The following TGM3 variants were observed in gnomAD, a reference collection of about 807,000 sequenced individuals.
TGM3 encodes protein-glutamine gamma-glutamyltransferase E.
In TGM3, 52 loss-of-function variants were observed where a neutral mutation model predicts 73.8. The observed-to-expected ratio is 0.70, with a 90% CI of 0.56 to 0.89. The LOEUF is 0.89. Among genes scored for constraint, TGM3 ranks in the 40% least tolerant of loss-of-function variants. The probability of loss-of-function intolerance (pLI) is 0.00; values close to 1 mark genes in which losing one functional copy is unlikely to be tolerated. For missense variants in TGM3, 928 were observed against 909.9 expected, an observed-to-expected ratio of 1.02 and a Z score of -0.26; for synonymous variants, 372 against 354.9, an observed-to-expected ratio of 1.05 and a Z score of -0.54.
chr20:2,323,540 C>T (rs908877319), intron 7 of TGM3, among the ~76,000 whole-genome samples: 8 of 152,354 alleles, frequency 5.3e-5, no homozygotes, highest in South Asian at 2.1e-4. Flanking sequence ...TGTGCACTTA[C>T]GTGAGTTTTT....
chr20:2,338,125 G>A (rs1189682372), intron 11 of TGM3, among the ~76,000 whole-genome samples: 2 of 152,072 alleles, frequency 1.3e-5, no homozygotes, highest in East Asian at 1.9e-4. Context: ...TAATAATTTG[G>A]GTAAAACCCC....
chr20:2,319,371 G>A (rs214818), intron 7 of TGM3, among the ~76,000 whole-genome samples: 109,880 of 152,000 alleles, frequency 0.72, 41,334 homozygotes, highest in East Asian at 0.96. Context: ...GGGGTGGGGA[G>A]GCCACTAGTA....
chr20:2,313,393 A>G (rs2084217161), intron 5 of TGM3, among the ~76,000 whole-genome samples: 1 of 152,206 alleles, frequency 6.6e-6, no homozygotes, highest in Admixed American at 6.5e-5. Context: ...CTCCTGGGAA[A>G]GGAAGCGAGA....
chr20:2,313,872 TA>T (rs952124309), intron 5 of TGM3, among the ~76,000 whole-genome samples: 16 of 150,246 alleles, frequency 1.1e-4, no homozygotes, highest in Admixed American at 5.3e-4. Flanking sequence ...CTACAGAAAT[TA>T]AAAAAAAACT....
Position 2,340,500 on chromosome 20 carries a change from C to T in TGM3, c.2001C>T (p.Gly667=), listed in dbSNP as rs967385402. ...TTGATATCCTGCCCTCCCGGAGTGG[C>T]ACCAAGCAACTGCTCGCCGACTTCT... is the stretch of plus-strand genomic sequence containing the variant. ...VRFDILPSRS[G]TKQLLADFSC... The change falls in exon 13 of 13, where the codon GGC becomes GGT. Residue 667 remains glycine, a synonymous_variant. Transcript: ENST00000381458. The T allele has an allele frequency of 8.1e-6, 13 of 1,614,190 alleles. No homozygotes were observed. Among genetic ancestry groups the T allele is most frequent in the Non-Finnish European group, 1.1e-5 (13 of 1,180,020 alleles).
Position 2,328,006 on chromosome 20 carries a change from A to G in TGM3, c.1088-114A>G. On this transcript the variant is annotated intron_variant, in intron 8 of 12. Coordinates refer to ENST00000381458, the MANE Select transcript of TGM3 (RefSeq NM_003245.4). The surrounding 1 kb of genome is among the most constrained non-coding windows in gnomAD (Gnocchi z 5.2). ...GGGACACACAGTCAGGGGTGAAGGAATTTGGGCGGGGCAGAGGCAGGGGGT... is the reference window on the plus strand; with the variant it reads ...GGGACACACAGTCAGGGGTGAAGGAGTTTGGGCGGGGCAGAGGCAGGGGGT... 6.8e-7 allele frequency: 1 copy of G among 1,467,286 alleles called. No homozygotes were observed. The highest frequency in any genetic ancestry group is 1.8e-5 in the Admixed American group (1 of 55,358). 90.9% of individuals were successfully genotyped at this position (1,467,286 alleles called of 1,614,324 possible).
chr20:2,311,089 G>A lies in TGM3; in HGVS notation c.500G>A (p.Ser167Asn), dbSNP rs781665191. The A allele has an allele frequency of 6.8e-6, 11 of 1,614,022 alleles. No individual in the cohort carries two copies. The highest frequency in any genetic ancestry group is 9.3e-6 in the Non-Finnish European group (11 of 1,180,002). The change falls in exon 4 of 13, where the codon AGC becomes AAC. Residue 167 changes from serine to asparagine, a missense_variant. By Grantham distance (46) the Ser-to-Asn change is conservative. Coordinates refer to ENST00000381458, the MANE Select transcript of TGM3 (RefSeq NM_003245.4). ...GATGCCGGCATCATCTTTGTGGGAAGCACAAACCGAATTGGCATGATTGGC... is the reference window on the plus strand; with the variant it reads ...GATGCCGGCATCATCTTTGTGGGAAACACAAACCGAATTGGCATGATTGGC... ...QEDAGIIFVGSTNRIGMIGWN... is the reference protein window; with the variant it reads ...QEDAGIIFVGNTNRIGMIGWN...
At chr20:2,317,733 A>G (rs1288065292) in intron 7 of TGM3, among the ~76,000 whole-genome samples, 1 of 152,036 alleles carries the variant, frequency 6.6e-6, no homozygotes, top group African/African-American at 2.4e-5. Context: ...ATCTGATCCC[A>G]GTGAAAGACA....
At chr20:2,315,465 T>C (rs945455143) in intron 5 of TGM3, among the ~76,000 whole-genome samples, 1 of 152,172 alleles carries the variant, frequency 6.6e-6, no homozygotes, top group Non-Finnish European at 1.5e-5. Flanking sequence ...CAGGACCTCC[T>C]GGAAGGGGTG....
intron 5 of TGM3, among the ~76,000 whole-genome samples, chr20:2,314,548 C>G (rs1422800640): frequency 6.6e-6 from 1 of 151,338 alleles, no homozygotes; most frequent in African/African-American, 2.4e-5. Context: ...CACACACACA[C>G]ACACACACAC....
chr20:2,299,106 G>A (rs1260023502), intron 1 of TGM3, among the ~76,000 whole-genome samples: 1 of 152,112 alleles, frequency 6.6e-6, no homozygotes, highest in Non-Finnish European at 1.5e-5. Flanking sequence ...GCTCCACTCT[G>A]CCCCTTACGA....
At chr20:2,325,689 C>T (rs569928567) in intron 7 of TGM3, among the ~76,000 whole-genome samples, 160 bp from the exon 8 acceptor site, 6 of 152,336 alleles carry the variant, frequency 3.9e-5, no homozygotes, top group Admixed American at 1.3e-4. Flanking sequence ...AGGATTTCCA[C>T]GAGACGATGC....
intron 5 of TGM3, among the ~76,000 whole-genome samples, chr20:2,315,983 G>A (rs1719369096): frequency 6.6e-6 from 1 of 152,212 alleles, no homozygotes; most frequent in Admixed American, 6.5e-5. Context: ...CAAGGCTGGT[G>A]TCATTTCATC....
chr20:2,310,377 A>T lies in TGM3; in HGVS notation c.381A>T (p.Lys127Asn). ...IFSQGGISSV[K>N]LGTFILLFNP... ...CCCAGGGCGGCATCTCCTCTGTGAA[A>T]CTTGGGACGTTCATACTGCTTTTTA... The change falls in exon 3 of 13, where the codon AAA (lysine) becomes AAT (asparagine). Residue 127 changes from lysine to asparagine, a missense_variant. Transcript: ENST00000381458. 2 of 1,614,178 alleles carry T rather than the reference A, an allele frequency of 1.2e-6. No homozygotes were observed. The highest frequency in any genetic ancestry group is 1.7e-6 in the Non-Finnish European group (2 of 1,180,010).
chr20:2,302,481 C>T (rs572437157), intron 1 of TGM3, among the ~76,000 whole-genome samples: 1 of 152,086 alleles, frequency 6.6e-6, no homozygotes, highest in Non-Finnish European at 1.5e-5. Flanking sequence ...CTTCCTTACA[C>T]GAAAGGCCTG....
chr20:2,322,429 T>C (rs1337702263), intron 7 of TGM3, among the ~76,000 whole-genome samples: 1 of 151,738 alleles, frequency 6.6e-6, no homozygotes, highest in Non-Finnish European at 1.5e-5. Flanking sequence ...ATGTGTTTTT[T>C]ACTAAACATT....
At chr20:2,326,444 T>C (rs894027654) in intron 8 of TGM3, among the ~76,000 whole-genome samples, 4 of 152,228 alleles carry the variant, frequency 2.6e-5, no homozygotes, top group Non-Finnish European at 4.4e-5. Flanking sequence ...TCCTGCCCCA[T>C]CAGGGGTTGG....
At chr20:2,335,052 C>T in intron 10 of TGM3, 64 bp from the exon 11 acceptor site, 1 of 1,592,956 alleles carries the variant, frequency 6.3e-7, no homozygotes, top group Non-Finnish European at 8.6e-7. Context: ...GGCATCTGTT[C>T]TGAGGAAGGT....
intron 11 of TGM3, among the ~76,000 whole-genome samples, chr20:2,336,009 A>G (rs536013832): frequency 6.6e-6 from 1 of 152,348 alleles, no homozygotes; most frequent in African/African-American, 2.4e-5. Context: ...GCATCTTCAA[A>G]GTGGCTGAGA....
Sources: allele counts gnomAD v4.1 joint callset (sites outside exome capture counted in the v4.1 genomes callset), GRCh38; gene constraint gnomAD v4.1.1; non-coding constraint Gnocchi (gnomAD v3.1); transcripts MANE v1.5; gene names NCBI Gene and HGNC (gene_info 2026-07-23, HGNC 2026-07-21).